SDK1: variants seen among roughly 807,000 people sequenced by gnomAD.
SDK1 encodes sidekick cell adhesion molecule 1.
In SDK1, 157 loss-of-function variants were observed where a neutral mutation model predicts 245.5. That is an observed-to-expected ratio of 0.64 (90% CI 0.56 to 0.73). The LOEUF (loss-of-function observed/expected upper bound fraction) is 0.73, where lower values mean the gene tolerates loss of function less well. SDK1 is among the 30% of genes least tolerant of loss of function. The pLI, the probability that SDK1 is intolerant of heterozygous loss-of-function variation, is 0.00. For missense variants in SDK1, 3,583 were observed against 3,002.3 expected, an observed-to-expected ratio of 1.19 and a Z score of -4.52; for synonymous variants, 1,647 against 1,278.5, an observed-to-expected ratio of 1.29 and a Z score of -6.15.
At chr7:4,186,414 G>A (rs1782898535) in intron 35 of SDK1, among the ~76,000 whole-genome samples, 2 of 152,208 alleles carry the variant, frequency 1.3e-5, no homozygotes, top group African/African-American at 2.4e-5. Flanking sequence ...TTTAGCCAGA[G>A]TTAGTGGCAG....
chr7:3,632,697 T>C (rs1276756433), intron 2 of SDK1, among the ~76,000 whole-genome samples: 1 of 152,254 alleles, frequency 6.6e-6, no homozygotes, highest in Non-Finnish European at 1.5e-5. Flanking sequence ...TTAATTTAAC[T>C]TCATATTGAT....
At chr7:3,734,381 G>A (rs1364442321) in intron 4 of SDK1, among the ~76,000 whole-genome samples, 5 of 152,188 alleles carry the variant, frequency 3.3e-5, no homozygotes, top group Non-Finnish European at 1.5e-5. Flanking sequence ...ACACAAATTA[G>A]CATGAGGAAA....
chr7:3,490,274 A>G (rs971446930), intron 1 of SDK1, among the ~76,000 whole-genome samples: 3 of 152,224 alleles, frequency 2.0e-5, no homozygotes, highest in Non-Finnish European at 2.9e-5. Flanking sequence ...TTTTAAGTTA[A>G]TAGTCCTTAT....
intron 1 of SDK1, among the ~76,000 whole-genome samples, chr7:3,428,775 C>G (rs533190100): frequency 6.0e-5 from 9 of 150,054 alleles, no homozygotes; most frequent in Non-Finnish European, 1.3e-4. Flanking sequence ...GAGTCCCCAG[C>G]CTTGGAGTGA....
intron 1 of SDK1, among the ~76,000 whole-genome samples, chr7:3,545,985 A>G (rs959673677): frequency 6.6e-6 from 1 of 152,252 alleles, no homozygotes; most frequent in Non-Finnish European, 1.5e-5. Flanking sequence ...TTAGTAACCT[A>G]TTGATATTTC....
intron 4 of SDK1, among the ~76,000 whole-genome samples, chr7:3,814,220 A>T (rs372252163): frequency 2.0e-5 from 3 of 151,516 alleles, no homozygotes; most frequent in Non-Finnish European, 2.9e-5. Flanking sequence ...TGCCTAGGTT[A>T]TCTTCTAGGG....
chr7:4,022,304 AG>A (rs1786956915), intron 17 of SDK1, among the ~76,000 whole-genome samples: 1 of 152,250 alleles, frequency 6.6e-6, no homozygotes, highest in African/African-American at 2.4e-5. Flanking sequence ...TAGGCCAGCC[AG>A]CCTCATTTCT....
At chr7:3,437,682 C>A (rs903753704) in intron 1 of SDK1, among the ~76,000 whole-genome samples, 7 of 152,082 alleles carry the variant, frequency 4.6e-5, no homozygotes, top group African/African-American at 1.2e-4. Context: ...CTAGGAGTTT[C>A]AGGTTTCAGT....
chr7:3,626,142 G>A (rs898640530), intron 2 of SDK1, among the ~76,000 whole-genome samples: 6 of 150,900 alleles, frequency 4.0e-5, no homozygotes, highest in African/African-American at 1.5e-4. Context: ...GTCTTGCTAT[G>A]TTGCCCAGCC....
intron 20 of SDK1, among the ~76,000 whole-genome samples, 180 bp downstream of exon 20, chr7:4,068,116 A>G (rs953686424): frequency 6.6e-6 from 1 of 152,170 alleles, no homozygotes; most frequent in Non-Finnish European, 1.5e-5. Flanking sequence ...CCCCAGTGAG[A>G]GCCAGCCTGG....
chr7:3,749,523 A>C (rs1284447342), intron 4 of SDK1, among the ~76,000 whole-genome samples: 3 of 151,792 alleles, frequency 2.0e-5, no homozygotes, highest in Admixed American at 2.0e-4. Flanking sequence ...CTGGTCTCGA[A>C]CTCCTGACCT....
intron 35 of SDK1, among the ~76,000 whole-genome samples, chr7:4,180,349 CACCCGGCTCCAGCTCTAT>C (rs1313720425): frequency 4.1e-5 from 6 of 147,990 alleles, no homozygotes; most frequent in African/African-American, 1.5e-4. Context: ...CTATGCCCAG[CACCCGGCTCCAGCTCTAT>C]GCCCAGCGCC....
chr7:3,352,096 G>C (rs1780674267), intron 1 of SDK1, among the ~76,000 whole-genome samples: 1 of 149,968 alleles, frequency 6.7e-6, no homozygotes, highest in Admixed American at 6.7e-5. Context: ...AATAAATTAA[G>C]AAGTATATTT....
At chr7:3,503,176 C>T (rs188065597) in intron 1 of SDK1, among the ~76,000 whole-genome samples, 1 of 152,230 alleles carries the variant, frequency 6.6e-6, no homozygotes, top group Admixed American at 6.5e-5. Flanking sequence ...TTAAATTATA[C>T]ATAAATTCAA....
intron 17 of SDK1, among the ~76,000 whole-genome samples, chr7:4,046,871 G>A (rs569221970): frequency 2.0e-5 from 3 of 151,874 alleles, no homozygotes; most frequent in Non-Finnish European, 4.4e-5. Context: ...ACCCAGGCTG[G>A]AGTGCAGTGT....
intron 1 of SDK1, among the ~76,000 whole-genome samples, chr7:3,360,347 T>G (rs190893158): frequency 2.0e-5 from 3 of 152,332 alleles, no homozygotes; most frequent in Non-Finnish European, 2.9e-5. Context: ...CTGGGGCAGA[T>G]TCTCATCAGA....
At chr7:3,718,053 G>A (rs1285559966) in intron 4 of SDK1, among the ~76,000 whole-genome samples, 1 of 152,078 alleles carries the variant, frequency 6.6e-6, no homozygotes, top group East Asian at 1.9e-4. Flanking sequence ...GCAAAGTACA[G>A]GAAGAATTAG....
intron 1 of SDK1, among the ~76,000 whole-genome samples, chr7:3,582,413 A>G (rs1040507410): frequency 1.4e-5 from 2 of 147,814 alleles, no homozygotes; most frequent in African/African-American, 5.0e-5. Flanking sequence ...GGTCTCCCTC[A>G]GGTAGGTCTG....
chr7:3,542,445 G>T (rs1207913841), intron 1 of SDK1, among the ~76,000 whole-genome samples: 1 of 152,134 alleles, frequency 6.6e-6, no homozygotes, highest in African/African-American at 2.4e-5. Context: ...CTCCTGGGCT[G>T]GGCCTTTCCT....
Sources: allele counts gnomAD v4.1 joint callset (sites outside exome capture counted in the v4.1 genomes callset), GRCh38; gene constraint gnomAD v4.1.1; transcripts MANE v1.5; gene names NCBI Gene and HGNC (gene_info 2026-07-23, HGNC 2026-07-21).